CEP63: variants seen among roughly 807,000 people sequenced by gnomAD.
CEP63 encodes the protein centrosomal protein of 63 kDa.
A neutral mutation model predicts 89.1 loss-of-function variants in CEP63; 84 were observed. The observed-to-expected ratio is 0.94, with a 90% CI of 0.79 to 1.13. The LOEUF is 1.13. Ranked by LOEUF, CEP63 falls within the 50% of genes most tolerant of loss-of-function variation. CEP63 has a pLI of 0.00. For synonymous variants in CEP63, 267 were observed against 272.5 expected, an observed-to-expected ratio of 0.98 and a Z score of 0.20; for missense variants, 838 against 813.3, an observed-to-expected ratio of 1.03 and a Z score of -0.37.
intron 3 of CEP63, among the ~76,000 whole-genome samples, chr3:134,520,586 A>G (rs1947226540): frequency 1.3e-5 from 2 of 152,206 alleles, no homozygotes. Context: ...AGCCAAAACA[A>G]TCTTGATGAA....
At chr3:134,757,927 G>A in the CEP63 span, among the ~76,000 whole-genome samples, 1 of 152,128 alleles carries the variant, frequency 6.6e-6, no homozygotes, top group Admixed American at 6.5e-5. Flanking sequence ...CAGCCAGGTG[G>A]AAGGAGGGGC....
At chr3:134,509,271 G>T (rs1422723673) in intron 3 of CEP63, among the ~76,000 whole-genome samples, 1 of 152,094 alleles carries the variant, frequency 6.6e-6, no homozygotes, top group African/African-American at 2.4e-5. Context: ...GGTGGAGCAG[G>T]AGAGAGAGAG....
the CEP63 span, among the ~76,000 whole-genome samples, chr3:134,707,673 TCTC>T: frequency 6.6e-6 from 1 of 151,888 alleles, no homozygotes; most frequent in African/African-American, 2.4e-5. Context: ...AGTGCAGGCT[TCTC>T]CTCAGTAGCA....
chr3:134,672,435 G>A, the CEP63 span, among the ~76,000 whole-genome samples: 1 of 152,154 alleles, frequency 6.6e-6, no homozygotes, highest in African/African-American at 2.4e-5. Flanking sequence ...TGATATTTAT[G>A]ACTTGAAAAT....
At chr3:134,567,797 A>G (rs1356280000), downstream of CEP63, among the ~76,000 whole-genome samples, 1 of 152,190 alleles carries the variant, frequency 6.6e-6, no homozygotes, top group Admixed American at 6.5e-5. Flanking sequence ...AGCAAAGGCC[A>G]CTCATCAGCC....
At chr3:134,707,843 G>A in the CEP63 span, among the ~76,000 whole-genome samples, 2 of 139,952 alleles carry the variant, frequency 1.4e-5, no homozygotes, top group African/African-American at 5.3e-5. Context: ...AAGCCCTATT[G>A]AAGGCCCCAG....
At chr3:134,748,141 A>G in the CEP63 span, among the ~76,000 whole-genome samples, 1 of 152,114 alleles carries the variant, frequency 6.6e-6, no homozygotes, top group African/African-American at 2.4e-5. Flanking sequence ...GTTAGGGGGC[A>G]TTTTGTGTGC....
Position 134,527,252 on chromosome 3 carries a change from A to T in CEP63, c.223-4593A>T, listed in dbSNP as rs556140304. On this transcript the variant is annotated intron_variant, in intron 3 of 14. Transcript: ENST00000675561. ...GGGACCCCTGCTGGCGACTGTGCAC[A>T]GTGGCACTGGTGGTGGTGTTGGCTT... Among the ~76,000 whole-genome samples the T allele has an allele frequency of 2.2e-4, 34 of 152,260 alleles. No individual in the cohort carries two copies. The South Asian group carries it at 6.4e-3, about 29-fold the overall frequency.
At chr3:134,517,452 C>T (rs181948812) in intron 3 of CEP63, among the ~76,000 whole-genome samples, 2 of 152,222 alleles carry the variant, frequency 1.3e-5, no homozygotes, top group Admixed American at 1.3e-4. Flanking sequence ...TAGATTTTAA[C>T]AGCATGATCA....
At chr3:134,486,770 T>G (rs1935593366) in intron 1 of CEP63, 1 of 155,996 alleles carries the variant, frequency 6.4e-6, no homozygotes, top group African/African-American at 2.4e-5. Context: ...AACGGTTATG[T>G]TAGTACAAGA....
At chr3:134,513,046 A>G (rs183270567) in intron 3 of CEP63, among the ~76,000 whole-genome samples, 2 of 152,110 alleles carry the variant, frequency 1.3e-5, no homozygotes. Context: ...TAATCTGTCC[A>G]TTTTCTTTTC....
At chr3:134,486,287 TC>T in intron 1 of CEP63, 85 bp downstream of exon 1, 1 of 985,586 alleles carries the variant, frequency 1.0e-6, no homozygotes, top group Non-Finnish European at 1.2e-6. Flanking sequence ...GGCTGCCGTG[TC>T]CTGGTCTGGA....
In CEP63 at chr3:134,537,191, C is replaced by T. The variant is rs147553684; in HGVS notation, c.478C>T (p.Arg160Cys). 5.6e-6 allele frequency: 9 copies of T among 1,613,792 alleles called. No individual in the cohort carries two copies. Among genetic ancestry groups the T allele is most frequent in the Middle Eastern group, 1.6e-4 (1 of 6,062 alleles). The change falls in exon 6 of 15, where the codon CGC (arginine) becomes TGC (cysteine). Residue 160 changes from arginine to cysteine, a missense_variant. Arg to Cys is a radical substitution (Grantham distance 180). Transcript: ENST00000675561. ...GAAATCGCTGGACTGGGAGAAGCAA[C>T]GCTTGATTTATCAGCAACAGGTATC... Reference protein sequence around the residue: ...RQKSLDWEKQRLIYQQQVSSL... With the variant: ...RQKSLDWEKQCLIYQQQVSSL...
the CEP63 span, among the ~76,000 whole-genome samples, chr3:134,707,096 A>G: frequency 6.6e-6 from 1 of 152,160 alleles, no homozygotes; most frequent in African/African-American, 2.4e-5. Context: ...ACACTATTCA[A>G]CCACTACGGT....
chr3:134,493,795 A>G (rs1000449646), intron 1 of CEP63, among the ~76,000 whole-genome samples: 6 of 152,172 alleles, frequency 3.9e-5, no homozygotes, highest in Non-Finnish European at 7.3e-5. Context: ...CTATATATCT[A>G]GTTGTTAGTA....
At chr3:134,534,989 TC>T (rs1195257741) in intron 5 of CEP63, among the ~76,000 whole-genome samples, 1 of 152,016 alleles carries the variant, frequency 6.6e-6, no homozygotes, top group African/African-American at 2.4e-5. Flanking sequence ...ACGCATGCCC[TC>T]CCCCTTTTCT....
chr3:134,570,425 C>T (rs1957965659), intron 11 of CEP63, among the ~76,000 whole-genome samples: 1 of 152,178 alleles, frequency 6.6e-6, no homozygotes, highest in Non-Finnish European at 1.5e-5. Context: ...CCCTCAAGTT[C>T]AAAATTCCAC....
chr3:134,615,691 C>A, the CEP63 span, among the ~76,000 whole-genome samples: 1 of 152,124 alleles, frequency 6.6e-6, no homozygotes, highest in Non-Finnish European at 1.5e-5. Context: ...ATGTCCCTTT[C>A]AGAGGCCTTA....
At chr3:134,754,507 T>C in the CEP63 span, among the ~76,000 whole-genome samples, 1 of 152,140 alleles carries the variant, frequency 6.6e-6, no homozygotes. Flanking sequence ...TCTGGGCTTA[T>C]GGTGATGCTC....
Sources: gnomAD v4.1 joint callset for allele counts (sites outside exome capture counted in the v4.1 genomes callset) on GRCh38, gnomAD v4.1.1 for gene constraint, MANE v1.5 for transcripts, NCBI Gene and HGNC (gene_info 2026-07-23, HGNC 2026-07-21) for gene names.